Variants in RASL11B observed in about 807,000 individuals in gnomAD.
RASL11B encodes ras-like protein family member 11B.
In RASL11B, 14 loss-of-function variants were observed where a neutral mutation model predicts 22.9. The observed-to-expected ratio is 0.61, with a 90% CI of 0.40 to 0.96. The LOEUF is 0.96. Ranked by LOEUF, RASL11B falls within the 40% of genes least tolerant of loss-of-function variation. The pLI, the probability that RASL11B is intolerant of heterozygous loss-of-function variation, is 0.00. For synonymous variants in RASL11B, 143 were observed against 130.2 expected (o/e 1.10, Z -0.67); for missense variants, 261 against 322.0 (o/e 0.81, Z 1.45).
Position 52,862,380 on chromosome 4 carries a change from G to T in RASL11B, c.-128G>T. 3.8e-6 allele frequency: 3 copies of T among 780,348 alleles called. No homozygotes were observed. The highest frequency in any genetic ancestry group is 5.6e-6 in the Non-Finnish European group (3 of 539,822). The allele number at this position is 780,348 out of a possible 1,614,324, so 48.3% of individuals were successfully genotyped here. A position where few individuals can be genotyped will look rare whatever the true frequency, so the allele number is the denominator to read the frequency against. On this transcript the variant is annotated 5_prime_UTR_variant, in exon 1 of 4. Coordinates refer to ENST00000248706, the MANE Select transcript of RASL11B (RefSeq NM_023940.3). Reference sequence around the variant, plus strand: ...GCTCGGCCCCACCCCGCCCGTACCTGCACTTATTTATTGTTGTTATTTCTT... The same window carrying T: ...GCTCGGCCCCACCCCGCCCGTACCTTCACTTATTTATTGTTGTTATTTCTT...
Position 52,865,816 on chromosome 4 carries a change from G to C in RASL11B, c.*11G>C. ...GTCACCTCCGTCTGAAGCAGGAGGAGCACTCAAGGGGGTTTGGTCTTCCCA... is the reference window on the plus strand; with the variant it reads ...GTCACCTCCGTCTGAAGCAGGAGGACCACTCAAGGGGGTTTGGTCTTCCCA... On this transcript the variant is annotated 3_prime_UTR_variant, in exon 4 of 4. Coordinates refer to ENST00000248706, the MANE Select transcript of RASL11B (RefSeq NM_023940.3). The C allele has an allele frequency of 6.2e-7, 1 of 1,604,074 alleles. No individual in the cohort carries two copies. The highest frequency in any genetic ancestry group is 8.5e-7 in the Non-Finnish European group (1 of 1,172,356).
At chr4:52,865,281 A>G in intron 3 of RASL11B, 54 bp from the exon 4 acceptor site, 2 of 1,460,180 alleles carry the variant, frequency 1.4e-6, no homozygotes, top group Non-Finnish European at 1.9e-6. Flanking sequence ...ACCCAAGCCC[A>G]GGCTCTTTGT....
At chr4:52,863,581 A>C in intron 2 of RASL11B, 6 of 461,230 alleles carry the variant, frequency 1.3e-5, no homozygotes, top group South Asian at 3.1e-5. Flanking sequence ...AACTATAGTG[A>C]CCCCAGTTGG....
intron 2 of RASL11B, 37 bp downstream of exon 2, chr4:52,863,361 G>T (rs993976152): frequency 6.4e-7 from 1 of 1,554,186 alleles, no homozygotes; most frequent in Non-Finnish European, 8.9e-7. Flanking sequence ...CTGTCCCATT[G>T]CAGGAGGACT....
Position 52,862,627 on chromosome 4 carries a change from C to A in RASL11B, c.120C>A (p.Gly40=), listed in dbSNP as rs371815568. 560 of 1,582,850 alleles carry A rather than the reference C, an allele frequency of 3.5e-4. 1 individual carries two copies. The highest frequency in any genetic ancestry group is 4.4e-4 in the Non-Finnish European group (513 of 1,171,280). ...GRRLVKIAVV[G]ASGVGKTALV... ...GCCTGGTCAAGATCGCCGTGGTGGG[C>A]GCCAGCGGCGTGGGCAAGACCGGTG... is the stretch of plus-strand genomic sequence containing the variant. Residue 40 remains glycine (G), a synonymous_variant, in exon 1 of 4, where the codon GGC becomes GGA. Transcript: ENST00000248706.
chr4:52,863,137 C>T (rs375896240), intron 1 of RASL11B, 131 bp from the exon 2 acceptor site: 4 of 759,404 alleles, frequency 5.3e-6, no homozygotes, highest in South Asian at 3.1e-5. Flanking sequence ...CAAGGAGCTA[C>T]AGGGTAGGAA....
intron 3 of RASL11B, 36 bp downstream of exon 3, chr4:52,864,590 C>G: frequency 7.3e-7 from 1 of 1,370,326 alleles, no homozygotes; most frequent in Non-Finnish European, 1.0e-6. Flanking sequence ...AAAGGGGAAC[C>G]TACTTGGCTG....
rs182830135 is a variant in RASL11B, at chr4:52,864,694, A to G, written c.276+140A>G. 142 of 702,190 alleles carry G rather than the reference A, an allele frequency of 2.0e-4. 1 individual carries two copies. In the East Asian group the frequency reaches 2.0e-3, roughly 10 times the overall value. The allele number at this position is 702,190 out of a possible 1,614,324, so 43.5% of individuals were successfully genotyped here. A position where few individuals can be genotyped will look rare whatever the true frequency, so the allele number is the denominator to read the frequency against. On this transcript the variant is annotated intron_variant, in intron 3 of 3. Transcript: ENST00000248706. ...AGACTTTTACATGTCTGACAATTCA[A>G]TTGTATCTGGCTGTTGGTCGATCTT...
At chr4:52,863,604 T>C (rs41279517) in intron 2 of RASL11B, 42,305 of 412,394 alleles carry the variant, frequency 0.1, 2,761 homozygotes, top group Middle Eastern at 0.14. Context: ...GCACCCTTTG[T>C]AGTCAAGAAC....
chr4:52,863,867 T>A (rs911477875), intron 2 of RASL11B, among the ~76,000 whole-genome samples: 1 of 152,238 alleles, frequency 6.6e-6, no homozygotes, highest in Non-Finnish European at 1.5e-5. Flanking sequence ...TGATTAAGAA[T>A]AGCCACTGGG....
At position 52,862,425 on chromosome 4, in the gene RASL11B, G is replaced by T. The variant is rs888145886; in HGVS notation, c.-83G>T. On this transcript the variant is annotated 5_prime_UTR_variant, in exon 1 of 4. Coordinates refer to ENST00000248706, the MANE Select transcript of RASL11B (RefSeq NM_023940.3). The stretch of plus-strand genomic sequence containing the variant: ...TTTCTTACCGCGGAGCCCCGCAGTC[G>T]GGTCCTCCCGCCCGCTCCCGCGCAG... The T allele has an allele frequency of 7.0e-6, 10 of 1,419,226 alleles. No homozygotes were observed. Among genetic ancestry groups the T allele is most frequent in the Non-Finnish European group, 8.5e-6 (9 of 1,056,614 alleles). 87.9% of individuals were successfully genotyped at this position (1,419,226 alleles called of 1,614,324 possible).
chr4:52,862,374 G>T lies in RASL11B; in HGVS notation c.-134G>T. 1.1e-5 allele frequency: 2 copies of T among 179,764 alleles called. No individual in the cohort carries two copies. The highest frequency in any genetic ancestry group is 2.0e-5 in the Non-Finnish European group (2 of 97,644). 11.1% of individuals were successfully genotyped at this position (179,764 alleles called of 1,614,324 possible). A position where few individuals can be genotyped will look rare whatever the true frequency, so the allele number is the denominator to read the frequency against. ...CTCGGCGCTCGGCCCCACCCCGCCC[G>T]TACCTGCACTTATTTATTGTTGTTA... On this transcript the variant is annotated 5_prime_UTR_variant, in exon 1 of 4. Transcript: ENST00000248706.
chr4:52,866,196 CT>C lies in RASL11B; in HGVS notation c.*397del. On this transcript the variant is annotated 3_prime_UTR_variant, in exon 4 of 4. Coordinates refer to ENST00000248706, the MANE Select transcript of RASL11B (RefSeq NM_023940.3). ...AACAGATTAAGCATTGATAGGCTTTCTTTTTTCCCCCTTTTTTCTTTTTTCT... is the reference window on the plus strand; with the variant it reads ...AACAGATTAAGCATTGATAGGCTTTCTTTTTCCCCCTTTTTTCTTTTTTCT... 1 of 178,156 alleles carries C rather than the reference CT, an allele frequency of 5.6e-6. No homozygotes were observed. The highest frequency in any genetic ancestry group is 1.7e-4 in the South Asian group (1 of 5,872). The allele number at this position is 178,156 out of a possible 1,614,324, so 11.0% of individuals were successfully genotyped here.
Position 52,862,356 on chromosome 4 carries a change from C to A in RASL11B, c.-152C>A. On this transcript the variant is annotated 5_prime_UTR_variant, in exon 1 of 4. Coordinates refer to ENST00000248706, the MANE Select transcript of RASL11B (RefSeq NM_023940.3). Reference sequence around the variant, plus strand: ...GCCTGAGCCCTGCGGAACCTCGGCGCTCGGCCCCACCCCGCCCGTACCTGC... The same window carrying A: ...GCCTGAGCCCTGCGGAACCTCGGCGATCGGCCCCACCCCGCCCGTACCTGC... 1.4e-6 allele frequency: 1 copy of A among 719,342 alleles called. No individual in the cohort carries two copies. Among genetic ancestry groups the A allele is most frequent in the Non-Finnish European group, 2.1e-6 (1 of 477,126 alleles). The allele number at this position is 719,342 out of a possible 1,614,324, so 44.6% of individuals were successfully genotyped here.
rs1241403173 is a variant in RASL11B at position 52,862,601 on chromosome 4, C to T, written c.94C>T (p.Arg32Cys). ...CTGCTGTGTGGGCGCCGCCGGCCGC[C>T]GCCTGGTCAAGATCGCCGTGGTGGG... ...SDCCVGAAGR[R>C]LVKIAVVGAS... The change falls in exon 1 of 4, where the codon CGC (arginine) becomes TGC (cysteine). Residue 32 changes from arginine to cysteine, a missense_variant. Arg to Cys is a radical substitution (Grantham distance 180). Coordinates refer to ENST00000248706, the MANE Select transcript of RASL11B (RefSeq NM_023940.3). 7 of 1,598,478 alleles carry T rather than the reference C, an allele frequency of 4.4e-6. No individual in the cohort carries two copies. Among genetic ancestry groups the T allele is most frequent in the Non-Finnish European group, 5.1e-6 (6 of 1,176,218 alleles).
In RASL11B at chr4:52,866,019, C is replaced by T. The variant is rs1718253161; in HGVS notation, c.*214C>T. On this transcript the variant is annotated 3_prime_UTR_variant, in exon 4 of 4. Coordinates refer to ENST00000248706, the MANE Select transcript of RASL11B (RefSeq NM_023940.3). ...AGGCTTGAAAGAGCCCACTGAGCCA[C>T]TCTCTGAATATGTGAAATGTACTCT... 6.9e-6 allele frequency: 4 copies of T among 578,526 alleles called. No homozygotes were observed. Among genetic ancestry groups the T allele is most frequent in the Non-Finnish European group, 1.2e-5 (4 of 325,212 alleles). 35.8% of individuals were successfully genotyped at this position (578,526 alleles called of 1,614,324 possible).
At position 52,862,385 on chromosome 4, in the gene RASL11B, T is replaced by C; in HGVS notation, c.-123T>C. ...GCCCCACCCCGCCCGTACCTGCACT[T>C]ATTTATTGTTGTTATTTCTTACCGC... On this transcript the variant is annotated 5_prime_UTR_variant, in exon 1 of 4. Coordinates refer to ENST00000248706, the MANE Select transcript of RASL11B (RefSeq NM_023940.3). 1 of 502,698 alleles carries C rather than the reference T, an allele frequency of 2.0e-6. No individual in the cohort carries two copies. Among genetic ancestry groups the C allele is most frequent in the South Asian group, 2.1e-5 (1 of 47,554 alleles). 31.1% of individuals were successfully genotyped at this position (502,698 alleles called of 1,614,324 possible).
In RASL11B at chr4:52,864,566, T is replaced by C. The variant is rs778622392; in HGVS notation, c.276+12T>C. ...CTCCAGGTATTCAGGTGAGAAGCTCTGAGACTCTGGGTGAAAGGGGAACCT... is the reference window on the plus strand; with the variant it reads ...CTCCAGGTATTCAGGTGAGAAGCTCCGAGACTCTGGGTGAAAGGGGAACCT... On this transcript the variant is annotated intron_variant, in intron 3 of 3. Transcript: ENST00000248706. The C allele has an allele frequency of 1.9e-6, 3 of 1,548,994 alleles. No individual in the cohort carries two copies. Among genetic ancestry groups the C allele is most frequent in the Admixed American group, 1.7e-5 (1 of 59,880 alleles).
At chr4:52,864,692 C>T in intron 3 of RASL11B, 138 bp downstream of exon 3, 1 of 704,344 alleles carries the variant, frequency 1.4e-6, no homozygotes, top group Non-Finnish European at 2.6e-6. Flanking sequence ...TCTGACAATT[C>T]AATTGTATCT....
Sources: allele counts gnomAD v4.1 joint callset (sites outside exome capture counted in the v4.1 genomes callset), GRCh38; gene constraint gnomAD v4.1.1; transcripts MANE v1.5; gene names NCBI Gene and HGNC (gene_info 2026-07-23, HGNC 2026-07-21).